Variants in TNNT2 observed in about 807,000 individuals in gnomAD.
TNNT2 encodes the protein troponin T, cardiac muscle.
In TNNT2, 34 loss-of-function variants were observed where a neutral mutation model predicts 62.4. That is an observed-to-expected ratio of 0.54 (90% CI 0.41 to 0.72). The LOEUF (loss-of-function observed/expected upper bound fraction) is 0.72, where lower values mean the gene tolerates loss of function less well. TNNT2 is among the 30% of genes least tolerant of loss of function. The pLI is 0.00. For missense variants in TNNT2, 275 were observed against 381.9 expected (o/e 0.72, Z 2.33); for synonymous variants, 123 against 127.2 (o/e 0.97, Z 0.22).
intron 4 of TNNT2, among the ~76,000 whole-genome samples, chr1:201,371,495 T>C (rs895371533): frequency 2.0e-5 from 3 of 152,214 alleles, no homozygotes; most frequent in Non-Finnish European, 4.4e-5. Flanking sequence ...TTGGGGCATA[T>C]CATGGCATTG....
rs1358844848 is a variant in TNNT2, at chr1:201,367,818, A to G, written c.164-12T>C. 6.2e-7 allele frequency: 1 copy of G among 1,614,108 alleles called. No homozygotes were observed. The highest frequency in any genetic ancestry group is 1.7e-5 in the Admixed American group (1 of 60,020). The stretch of plus-strand genomic sequence containing the variant: ...TTCTTCTTCATCTTCTAAATGAAAC[A>G]CGAGAAATCAATCAAGGTCCTTGTT... On this transcript the variant is annotated splice_polypyrimidine_tract_variant and intron_variant, in intron 6 of 16. Coordinates refer to ENST00000656932, the MANE Select transcript of TNNT2 (RefSeq NM_001276345.2).
At chr1:201,359,499 G>A (rs1391900656) in intron 16 of TNNT2, 124 bp downstream of exon 16, 2 of 1,103,466 alleles carry the variant, frequency 1.8e-6, no homozygotes, top group East Asian at 2.6e-5. Context: ...AAGGAAACCT[G>A]TGGGCTGAAG....
intron 13 of TNNT2, 140 bp from the exon 14 acceptor site, chr1:201,362,162 C>T (rs778073392): frequency 8.6e-7 from 1 of 1,169,122 alleles, no homozygotes; most frequent in African/African-American, 1.5e-5. Flanking sequence ...CACCCCCCAA[C>T]TACCAACTAC....
intron 10 of TNNT2, among the ~76,000 whole-genome samples, chr1:201,364,853 G>A (rs530815443): frequency 6.6e-6 from 1 of 152,210 alleles, no homozygotes; most frequent in African/African-American, 2.4e-5. Flanking sequence ...ATCTGCGGGG[G>A]AAGAGGAGGC....
chr1:201,372,059 C>T lies in TNNT2; in HGVS notation c.53-18G>A. On this transcript the variant is annotated intron_variant, in intron 3 of 16. Coordinates refer to ENST00000656932, the MANE Select transcript of TNNT2 (RefSeq NM_001276345.2). ...AGCTGCTTCTGCTCAGAAGAGAAGT[C>T]CAGGCAGCAAGAGAAGAGAGAAGAG... The T allele has an allele frequency of 6.2e-7, 1 of 1,614,032 alleles. No individual in the cohort carries two copies. The highest frequency in any genetic ancestry group is 1.6e-4 in the Middle Eastern group (1 of 6,062).
chr1:201,373,172 C>T (rs181717966), intron 2 of TNNT2, 42 bp downstream of exon 2: 21 of 1,603,624 alleles, frequency 1.3e-5, no homozygotes, highest in East Asian at 4.5e-5. Context: ...AGGGCAGCGG[C>T]GGGAGAGGAC....
intron 2 of TNNT2, among the ~76,000 whole-genome samples, chr1:201,372,469 CCT>C (rs1250967423): frequency 6.6e-6 from 1 of 152,054 alleles, no homozygotes; most frequent in Non-Finnish European, 1.5e-5. Flanking sequence ...AAAGTCCTGC[CCT>C]CTCCCAAATC....
chr1:201,362,060 G>T (rs1160779541), intron 13 of TNNT2, 38 bp from the exon 14 acceptor site: 2 of 1,605,060 alleles, frequency 1.2e-6, no homozygotes, highest in Non-Finnish European at 1.7e-6. Context: ...TGGCCAGATT[G>T]CCCCCTCCCT....
In TNNT2 at chr1:201,365,649, C is replaced by A. The variant is rs780115529; in HGVS notation, c.255G>T (p.Val85=). Residue 85 remains valine (V), a synonymous_variant, in exon 9 of 17, where the codon GTG becomes GTT. Coordinates refer to ENST00000656932, the MANE Select transcript of TNNT2 (RefSeq NM_001276345.2). ...TCTCTCCATCGGGGATCTTGGGAGG[C>A]ACCAAGTTGGGCATGAACGACCTGT... ...PKPRSFMPNL[V]PPKIPDGERV... The A allele has an allele frequency of 2.5e-6, 4 of 1,614,028 alleles. No homozygotes were observed. In the Admixed American group the frequency reaches 5.0e-5, roughly 20 times the overall value.
At chr1:201,364,499 A>G (rs1659310166) in intron 10 of TNNT2, 124 bp from the exon 11 acceptor site, 2 of 1,044,782 alleles carry the variant, frequency 1.9e-6, no homozygotes, top group Non-Finnish European at 2.9e-6. Flanking sequence ...GTCTTGAAGC[A>G]ATGGTGCCCG....
Position 201,372,132 on chromosome 1 carries a change from C to G in TNNT2, c.52+13G>C. 1 of 1,614,156 alleles carries G rather than the reference C, an allele frequency of 6.2e-7. No homozygotes were observed. The highest frequency in any genetic ancestry group is 8.5e-7 in the Non-Finnish European group (1 of 1,180,036). On this transcript the variant is annotated intron_variant, in intron 3 of 16. Transcript: ENST00000656932. ...TGTCTTTGATCCAAATGAGTACACA[C>G]GTTTACGCTTACCTTCCTGCTCCCT...
intron 1 of TNNT2, among the ~76,000 whole-genome samples, chr1:201,376,322 T>C (rs1229844618): frequency 6.6e-6 from 1 of 152,216 alleles, no homozygotes; most frequent in Non-Finnish European, 1.5e-5. Flanking sequence ...TTAAGTCACC[T>C]AGCCTCTCTG....
chr1:201,371,994 C>T (rs776938856), intron 4 of TNNT2, 33 bp downstream of exon 4: 3 of 1,613,862 alleles, frequency 1.9e-6, no homozygotes, highest in African/African-American at 1.3e-5. Context: ...GAGCCTGCCC[C>T]TTTCTGGCTC....
At chr1:201,369,273 C>T (rs1388094264) in intron 5 of TNNT2, 1 of 472,242 alleles carries the variant, frequency 2.1e-6, no homozygotes, top group Non-Finnish European at 4.4e-6. Context: ...TGGTCTCACT[C>T]CCTTGCCTTG....
chr1:201,365,479 C>A (rs754834487), intron 9 of TNNT2, 131 bp downstream of exon 9: 9 of 1,238,136 alleles, frequency 7.3e-6, no homozygotes, highest in Non-Finnish European at 1.1e-5. Context: ...TGGATGGGCA[C>A]CCAGCCTGGC....
chr1:201,372,780 G>C (rs1660841222), intron 2 of TNNT2, among the ~76,000 whole-genome samples: 1 of 152,222 alleles, frequency 6.6e-6, no homozygotes, highest in Non-Finnish European at 1.5e-5. Flanking sequence ...GGATAGGACT[G>C]TGGGCAGGGC....
chr1:201,368,268 CTCATGCTA>C (rs1660041631), intron 5 of TNNT2, 41 bp from the exon 6 acceptor site: 1 of 1,604,902 alleles, frequency 6.2e-7, no homozygotes, highest in Admixed American at 1.7e-5. Flanking sequence ...GCAGGCCCCA[CTCATGCTA>C]TCAGGCAGAA....
rs533357783 is a variant in TNNT2, at chr1:201,365,605, C to T, written c.294+5G>A. 1.9e-6 allele frequency: 3 copies of T among 1,613,984 alleles called. No individual in the cohort carries two copies. Among genetic ancestry groups the T allele is most frequent in the South Asian group, 2.2e-5 (2 of 91,014 alleles). On this transcript the variant is annotated splice_donor_5th_base_variant and intron_variant, in intron 9 of 16. Transcript: ENST00000656932. ...AGGCCTACTCAACCCACAGCCACCG[C>T]TTACATCAAAGTCCACTCTCTCTCC...
intron 8 of TNNT2, 191 bp from the exon 9 acceptor site, chr1:201,365,861 A>C: frequency 3.4e-6 from 5 of 1,471,804 alleles, no homozygotes; most frequent in Admixed American, 2.2e-5. Flanking sequence ...GAATACACAA[A>C]GCTCTTTCAC....
Sources: allele counts gnomAD v4.1 joint callset (sites outside exome capture counted in the v4.1 genomes callset), GRCh38; gene constraint gnomAD v4.1.1; transcripts MANE v1.5; gene names NCBI Gene and HGNC (gene_info 2026-07-23, HGNC 2026-07-21).